Variants in IPO7 observed in about 807,000 individuals in gnomAD.
IPO7 encodes importin-7.
A neutral mutation model predicts 136.4 loss-of-function variants in IPO7; 13 were observed. The observed-to-expected ratio is 0.10, with a 90% CI of 0.06 to 0.15. IPO7 has a LOEUF of 0.15. Ranked by LOEUF, IPO7 falls within the 10% of genes least tolerant of loss-of-function variation. The probability of loss-of-function intolerance (pLI) is 1.00; values close to 1 mark genes in which losing one functional copy is unlikely to be tolerated. For synonymous variants in IPO7, 403 were observed against 404.4 expected, an observed-to-expected ratio of 1.00 and a Z score of 0.04; for missense variants, 857 against 1,240.6, an observed-to-expected ratio of 0.69 and a Z score of 4.65.
Position 9,423,008 on chromosome 11 carries a change from T to A in IPO7, c.909T>A (p.Val303=), listed in dbSNP as rs1164812095. The change falls in exon 9 of 25, where the codon GTT becomes GTA. Residue 303 remains valine (V), a splice_region_variant and synonymous_variant. Transcript: ENST00000379719. ...LKAFAVGVQQ[V]LLKVLYQYKE... ...GTGATCGAAAATTTTTTTCCAAGGTTTTATTGAAGGTGTTATATCAGTACA... is the reference window on the plus strand; with the variant it reads ...GTGATCGAAAATTTTTTTCCAAGGTATTATTGAAGGTGTTATATCAGTACA... 5.9e-6 allele frequency: 9 copies of A among 1,529,564 alleles called. No homozygotes were observed. Among genetic ancestry groups the A allele is most frequent in the Non-Finnish European group, 7.9e-6 (9 of 1,137,020 alleles). 94.7% of individuals were successfully genotyped at this position (1,529,564 alleles called of 1,614,324 possible). A position where few individuals can be genotyped will look rare whatever the true frequency, so the allele number is the denominator to read the frequency against.
At chr11:9,410,311 G>C (rs1010119013) in intron 4 of IPO7, among the ~76,000 whole-genome samples, 1 of 151,782 alleles carries the variant, frequency 6.6e-6, no homozygotes, top group Admixed American at 6.6e-5. Flanking sequence ...CTTAATCACC[G>C]TCTCTTTACC....
Position 9,403,270 on chromosome 11 carries a change from T to C in IPO7, c.85-20T>C. 1 of 1,552,660 alleles carries C rather than the reference T, an allele frequency of 6.4e-7. No homozygotes were observed. Among genetic ancestry groups the C allele is most frequent in the Admixed American group, 1.7e-5 (1 of 59,620 alleles). ...TATATTTATTTGCAGAAGTTTAAAATGGACTTTTTTTCTTTGTAGGCACAC... is the reference window on the plus strand; with the variant it reads ...TATATTTATTTGCAGAAGTTTAAAACGGACTTTTTTTCTTTGTAGGCACAC... On this transcript the variant is annotated intron_variant, in intron 1 of 24. Coordinates refer to ENST00000379719, the MANE Select transcript of IPO7 (RefSeq NM_006391.3).
intron 5 of IPO7, among the ~76,000 whole-genome samples, chr11:9,415,107 G>A (rs1403059236): frequency 6.6e-6 from 1 of 151,598 alleles, no homozygotes; most frequent in African/African-American, 2.4e-5. Flanking sequence ...CACCTGAGGA[G>A]GGGAGTTCGA....
At position 9,384,767 on chromosome 11, in the gene IPO7, G is replaced by A. The variant is rs753215435; in HGVS notation, c.4G>A (p.Asp2Asn). The change falls in exon 1 of 25, where the codon GAC becomes AAC. Residue 2 changes from aspartate to asparagine, a missense_variant. Physicochemically the swap from Asp to Asn is conservative, Grantham distance 23 (BLOSUM62 1). Transcript: ENST00000379719. ...GTTTGACCGAGTCCGCGCTGCGATGGACCCCAACACCATTATCGAGGCCCT... is the reference window on the plus strand; with the variant it reads ...GTTTGACCGAGTCCGCGCTGCGATGAACCCCAACACCATTATCGAGGCCCT... M[D>N]PNTIIEALRG... The A allele has an allele frequency of 2.0e-5, 32 of 1,602,430 alleles. No homozygotes were observed. The highest frequency in any genetic ancestry group is 4.5e-5 in the East Asian group (2 of 44,214).
intron 2 of IPO7, among the ~76,000 whole-genome samples, chr11:9,406,132 T>TA (rs1554953418): frequency 3.4e-5 from 5 of 145,686 alleles, no homozygotes; most frequent in East Asian, 2.0e-4. Context: ...TTTTTTTTTT[T>TA]AGTAGAGACG....
At chr11:9,441,864 A>G (rs2133767962) in intron 23 of IPO7, among the ~76,000 whole-genome samples, 1 of 152,302 alleles carries the variant, frequency 6.6e-6, no homozygotes, top group East Asian at 1.9e-4. Flanking sequence ...CGTAAGAATG[A>G]TTAGAGTTTT....
chr11:9,410,744 C>T (rs1854957216), intron 4 of IPO7, among the ~76,000 whole-genome samples: 1 of 152,102 alleles, frequency 6.6e-6, no homozygotes, highest in Non-Finnish European at 1.5e-5. Context: ...TGGTAAGCCA[C>T]ATGTTGAAGG....
At position 9,433,623 on chromosome 11, in the gene IPO7, A is replaced by G. The variant is rs1380637841; in HGVS notation, c.1935A>G (p.Gln645=). ...TACAGGTCATTGGTACTGTTTTACA[A>G]CAGCATGTCTTAGGTATTATACCTC... is the stretch of plus-strand genomic sequence containing the variant. ...ICLQVIGTVL[Q]QHVLEFYEEI... is the part of the protein sequence containing the mutation. The change falls in exon 17 of 25, where the codon CAA becomes CAG. Residue 645 remains glutamine, a synonymous_variant. Coordinates refer to ENST00000379719, the MANE Select transcript of IPO7 (RefSeq NM_006391.3). The G allele has an allele frequency of 6.8e-6, 11 of 1,612,906 alleles. No homozygotes were observed. In the East Asian group the frequency reaches 2.5e-4, roughly 36 times the overall value.
intron 2 of IPO7, among the ~76,000 whole-genome samples, chr11:9,406,172 C>A (rs1391669373): frequency 1.8e-5 from 2 of 112,712 alleles, no homozygotes; most frequent in Non-Finnish European, 3.3e-5. Flanking sequence ...CGGCTGGTTT[C>A]GGCTTCCAAA....
rs975795994 is a variant in IPO7, at chr11:9,404,751, A to G, written c.166+1380A>G. Among the ~76,000 whole-genome samples, 3 of 151,824 alleles carry G rather than the reference A, an allele frequency of 2.0e-5. No homozygotes were observed. In the East Asian group the frequency reaches 5.9e-4, roughly 30 times the overall value. On this transcript the variant is annotated intron_variant, in intron 2 of 24. Coordinates refer to ENST00000379719, the MANE Select transcript of IPO7 (RefSeq NM_006391.3). Reference sequence around the variant, plus strand: ...CGGCTAATTTTTTGTATTTTTTAGTAGAGACGGGGTTTCACCGTATTTGCC... The same window carrying G: ...CGGCTAATTTTTTGTATTTTTTAGTGGAGACGGGGTTTCACCGTATTTGCC...
rs527618067 is a variant in IPO7, at chr11:9,421,518, T to C, written c.906+820T>C. Reference sequence around the variant, plus strand: ...TGGTGCGTGCCTGTAATCCCAGCTATTGGGGAGGCTGAGGCAGGAGAATGG... The same window carrying C: ...TGGTGCGTGCCTGTAATCCCAGCTACTGGGGAGGCTGAGGCAGGAGAATGG... On this transcript the variant is annotated intron_variant, in intron 8 of 24. Transcript: ENST00000379719. Among the ~76,000 whole-genome samples the C allele has an allele frequency of 4.4e-4, 64 of 146,580 alleles. No homozygotes were observed. The East Asian group carries it at 0.012, about 28-fold the overall frequency.
At chr11:9,395,354 C>T (rs1275416619) in intron 1 of IPO7, among the ~76,000 whole-genome samples, 1 of 152,092 alleles carries the variant, frequency 6.6e-6, no homozygotes, top group East Asian at 1.9e-4. Context: ...AGCCATTCTC[C>T]AGCCTCAGCC....
At chr11:9,413,670 G>T (rs1372137587) in intron 4 of IPO7, among the ~76,000 whole-genome samples, 1 of 151,848 alleles carries the variant, frequency 6.6e-6, no homozygotes, top group East Asian at 1.9e-4. Context: ...GGGCCTTGAA[G>T]ATTTTTGACC....
chr11:9,438,422 C>T (rs534235178), intron 22 of IPO7, 137 bp downstream of exon 22: 12 of 623,154 alleles, frequency 1.9e-5, no homozygotes, highest in African/African-American at 1.5e-4. Flanking sequence ...GTCAGGAGTT[C>T]GAGACCAGCC....
intron 4 of IPO7, among the ~76,000 whole-genome samples, chr11:9,412,114 G>C (rs1854975551): frequency 6.6e-6 from 1 of 152,188 alleles, no homozygotes; most frequent in Admixed American, 6.5e-5. Flanking sequence ...CTTTTAAAAT[G>C]TATGCTAGGT....
At chr11:9,420,862 A>G (rs1247864209) in intron 8 of IPO7, among the ~76,000 whole-genome samples, 164 bp downstream of exon 8, 1 of 152,212 alleles carries the variant, frequency 6.6e-6, no homozygotes, top group Non-Finnish European at 1.5e-5. Context: ...CAAATTACTT[A>G]GGATACCATT....
chr11:9,430,201 C>T (rs1855274130), intron 15 of IPO7, among the ~76,000 whole-genome samples: 1 of 152,162 alleles, frequency 6.6e-6, no homozygotes, highest in African/African-American at 2.4e-5. Flanking sequence ...TGCCTGGAGA[C>T]TGGGGACCCC....
intron 2 of IPO7, among the ~76,000 whole-genome samples, chr11:9,407,583 A>G (rs543612144): frequency 6.6e-6 from 1 of 152,308 alleles, no homozygotes; most frequent in Non-Finnish European, 1.5e-5. Flanking sequence ...GGGTATTTTA[A>G]TATATAATCT....
chr11:9,417,021 C>A, intron 5 of IPO7, 38 bp from the exon 6 acceptor site: 1 of 953,858 alleles, frequency 1.0e-6, no homozygotes, highest in Non-Finnish European at 1.7e-6. Context: ...TTTTCTTTAG[C>A]AAGGATTTCG....
Sources: gnomAD v4.1 joint callset for allele counts (sites outside exome capture counted in the v4.1 genomes callset) on GRCh38, gnomAD v4.1.1 for gene constraint, MANE v1.5 for transcripts, NCBI Gene and HGNC (gene_info 2026-07-23, HGNC 2026-07-21) for gene names.